Variants in HIPK2 observed in about 807,000 individuals in gnomAD.
HIPK2 encodes the protein homeodomain interacting protein kinase 2.
A neutral mutation model predicts 113.7 loss-of-function variants in HIPK2; 27 were observed. That is an observed-to-expected ratio of 0.24 (90% confidence interval 0.17 to 0.33). HIPK2 has a LOEUF of 0.33. Among genes scored for constraint, HIPK2 ranks in the 10% least tolerant of loss-of-function variants. The probability of loss-of-function intolerance (pLI) is 1.00; values close to 1 mark genes in which losing one functional copy is unlikely to be tolerated. For synonymous variants in HIPK2, 631 were observed against 642.2 expected (o/e 0.98, Z 0.26); for missense variants, 1,257 against 1,588.0 (o/e 0.79, Z 3.54).
At chr7:139,654,533 C>A (rs1487868282) in intron 2 of HIPK2, among the ~76,000 whole-genome samples, 3 of 152,058 alleles carry the variant, frequency 2.0e-5, no homozygotes, top group African/African-American at 7.2e-5. Context: ...AAACAAAAAA[C>A]CCCCAAAAAA....
chr7:139,760,551 C>T (rs1462415333), intron 1 of HIPK2, among the ~76,000 whole-genome samples: 2 of 152,096 alleles, frequency 1.3e-5, no homozygotes, highest in African/African-American at 2.4e-5. Flanking sequence ...ATTAAACTTT[C>T]CTCTGTAGTT....
At chr7:139,588,826 C>T (rs1033998399) in intron 12 of HIPK2, among the ~76,000 whole-genome samples, 2 of 152,160 alleles carry the variant, frequency 1.3e-5, no homozygotes, top group African/African-American at 2.4e-5. Flanking sequence ...GAACTCCTCC[C>T]ACCTCACACT....
chr7:139,641,885 T>C (rs1801038855), intron 2 of HIPK2, among the ~76,000 whole-genome samples: 1 of 152,264 alleles, frequency 6.6e-6, no homozygotes, highest in Non-Finnish European at 1.5e-5. Context: ...CAGGCGGAGC[T>C]GTGCATTTCT....
At chr7:139,654,169 C>G (rs1326462632) in intron 2 of HIPK2, among the ~76,000 whole-genome samples, 3 of 152,180 alleles carry the variant, frequency 2.0e-5, no homozygotes, top group African/African-American at 4.8e-5. Flanking sequence ...GCATGAGATA[C>G]ACATAAAAGC....
At chr7:139,605,446 C>G (rs1799588305) in intron 9 of HIPK2, among the ~76,000 whole-genome samples, 1 of 152,140 alleles carries the variant, frequency 6.6e-6, no homozygotes, top group African/African-American at 2.4e-5. Context: ...CTCTTTCTAT[C>G]AGAGTGGATG....
chr7:139,777,478 C>T (rs1238679267), intron 1 of HIPK2, 127 bp downstream of exon 1: 7 of 230,982 alleles, frequency 3.0e-5, no homozygotes, highest in Non-Finnish European at 3.6e-5. Flanking sequence ...GTCGCGGCCC[C>T]CTCGGGCCCC....
intron 14 of HIPK2, among the ~76,000 whole-genome samples, chr7:139,574,136 CTT>C (rs963050247): frequency 6.6e-6 from 1 of 152,138 alleles, no homozygotes; most frequent in Non-Finnish European, 1.5e-5. Context: ...AGGACACTCT[CTT>C]TGAGCAGCAG....
At chr7:139,767,447 C>G (rs941078701) in intron 1 of HIPK2, among the ~76,000 whole-genome samples, 1 of 152,158 alleles carries the variant, frequency 6.6e-6, no homozygotes, top group African/African-American at 2.4e-5. Flanking sequence ...GGTAAGGGAG[C>G]CTGGCTCTGT....
At chr7:139,718,735 G>A (rs773570891) in intron 1 of HIPK2, among the ~76,000 whole-genome samples, 15 of 151,974 alleles carry the variant, frequency 9.9e-5, no homozygotes, top group Admixed American at 2.0e-4. Context: ...CAAATGAATC[G>A]GTCACCTCAT....
chr7:139,615,850 C>T (rs574356609), intron 7 of HIPK2, among the ~76,000 whole-genome samples: 4 of 152,316 alleles, frequency 2.6e-5, no homozygotes, highest in African/African-American at 9.6e-5. Flanking sequence ...TTGAGTGGCA[C>T]AGATGTCTGA....
intron 1 of HIPK2, among the ~76,000 whole-genome samples, chr7:139,729,856 T>C (rs1795718904): frequency 6.6e-6 from 1 of 152,220 alleles, no homozygotes; most frequent in African/African-American, 2.4e-5. Flanking sequence ...TTTCAGGTGT[T>C]TGAATCACAA....
chr7:139,749,849 C>T (rs1050435245), intron 1 of HIPK2, among the ~76,000 whole-genome samples: 44 of 152,252 alleles, frequency 2.9e-4, no homozygotes, highest in African/African-American at 1.1e-3. Flanking sequence ...CTCCCAACAT[C>T]TTCACAAGGA....
At chr7:139,740,427 T>C (rs1796066669) in intron 1 of HIPK2, among the ~76,000 whole-genome samples, 1 of 152,224 alleles carries the variant, frequency 6.6e-6, no homozygotes, top group Non-Finnish European at 1.5e-5. Context: ...AAAGTGCAGC[T>C]GCAGCAGGAC....
At chr7:139,701,876 C>T (rs1794719068) in intron 2 of HIPK2, among the ~76,000 whole-genome samples, 1 of 152,248 alleles carries the variant, frequency 6.6e-6, no homozygotes, top group East Asian at 1.9e-4. Flanking sequence ...CCAAAGGCAC[C>T]GTGCAGACTG....
intron 1 of HIPK2, among the ~76,000 whole-genome samples, chr7:139,757,275 T>C (rs1375703564): frequency 6.6e-6 from 1 of 152,328 alleles, no homozygotes. Flanking sequence ...ATGTTTCACC[T>C]AGGAAAAGAT....
At chr7:139,582,623 G>C (rs1033932102) in intron 13 of HIPK2, among the ~76,000 whole-genome samples, 14 of 152,260 alleles carry the variant, frequency 9.2e-5, no homozygotes, top group African/African-American at 3.4e-4. Context: ...CAGGGAAAAA[G>C]AGCTTCGCCG....
At chr7:139,628,447 T>C (rs1245927058) in intron 5 of HIPK2, among the ~76,000 whole-genome samples, 1 of 152,196 alleles carries the variant, frequency 6.6e-6, no homozygotes, top group Non-Finnish European at 1.5e-5. Context: ...ATGATTGTTT[T>C]TTTGTTTTTT....
At chr7:139,583,260 CA>C (rs1798727084) in intron 13 of HIPK2, among the ~76,000 whole-genome samples, 1 of 152,156 alleles carries the variant, frequency 6.6e-6, no homozygotes, top group African/African-American at 2.4e-5. Context: ...GCCCAATTTT[CA>C]AGACAAGCCT....
intron 1 of HIPK2, among the ~76,000 whole-genome samples, chr7:139,728,795 C>T (rs559089906): frequency 1.3e-5 from 2 of 152,288 alleles, no homozygotes; most frequent in African/African-American, 2.4e-5. Context: ...GAAGTCTCTT[C>T]GGTTTTCCCT....
Sources: allele counts gnomAD v4.1 joint callset (sites outside exome capture counted in the v4.1 genomes callset), GRCh38; gene constraint gnomAD v4.1.1; transcripts MANE v1.5; gene names NCBI Gene and HGNC (gene_info 2026-07-23, HGNC 2026-07-21).